Variants in FRAS1 observed in about 807,000 individuals in gnomAD.
The protein encoded by FRAS1 is extracellular matrix organizing protein FRAS1.
Under a neutral mutation model 435.2 loss-of-function variants are expected in FRAS1, and 290 were observed. The ratio of observed to expected loss-of-function variants is 0.67; its 90% CI spans 0.61 to 0.73. The LOEUF (loss-of-function observed/expected upper bound fraction) is 0.73. Ranked by LOEUF, FRAS1 falls within the 30% of genes least tolerant of loss-of-function variation. The probability of loss-of-function intolerance (pLI) is 0.00; values close to 1 mark genes in which losing one functional copy is unlikely to be tolerated. For missense variants in FRAS1, 4,860 were observed against 5,001.5 expected, an observed-to-expected ratio of 0.97 and a Z score of 0.85; for synonymous variants, 1,800 against 1,851.0, an observed-to-expected ratio of 0.97 and a Z score of 0.71.
chr4:78,307,503 C>G (rs60608669), intron 14 of FRAS1, among the ~76,000 whole-genome samples: 5,575 of 152,262 alleles, frequency 0.037, 277 homozygotes, highest in African/African-American at 0.11. Context: ...TAGCAATCAG[C>G]GAGACTCCGT....
chr4:78,262,384 A>T (rs1480116836), intron 6 of FRAS1, among the ~76,000 whole-genome samples: 2 of 152,300 alleles, frequency 1.3e-5, no homozygotes, highest in East Asian at 3.9e-4. Context: ...AGGGAGGTGA[A>T]AGGCTAGGGC....
intron 2 of FRAS1, among the ~76,000 whole-genome samples, chr4:78,194,344 C>T (rs1722699128): frequency 6.6e-6 from 1 of 152,196 alleles, no homozygotes; most frequent in African/African-American, 2.4e-5. Context: ...GGAAGTTCTC[C>T]TGGCTAATAT....
intron 14 of FRAS1, among the ~76,000 whole-genome samples, chr4:78,297,425 G>T (rs1217689902): frequency 1.3e-5 from 2 of 152,090 alleles, no homozygotes; most frequent in African/African-American, 4.8e-5. Flanking sequence ...CCTGGAAAAG[G>T]GCTGCATTTT....
intron 2 of FRAS1, among the ~76,000 whole-genome samples, chr4:78,174,593 C>T (rs1721687114): frequency 6.6e-6 from 1 of 152,230 alleles, no homozygotes; most frequent in East Asian, 1.9e-4. Context: ...CTCAAAAATG[C>T]TGAGCATACC....
At chr4:78,233,448 T>C (rs1333705220) in intron 2 of FRAS1, among the ~76,000 whole-genome samples, 1 of 152,250 alleles carries the variant, frequency 6.6e-6, no homozygotes, top group Non-Finnish European at 1.5e-5. Flanking sequence ...GTTTTACTTG[T>C]GTAGACTGGA....
intron 2 of FRAS1, among the ~76,000 whole-genome samples, chr4:78,153,434 A>G (rs186457881): frequency 9.1e-4 from 138 of 152,338 alleles, no homozygotes; most frequent in Admixed American, 2.1e-3. Context: ...AAACCAGATT[A>G]TACCTCCTTC....
intron 2 of FRAS1, among the ~76,000 whole-genome samples, chr4:78,194,888 C>G (rs541219733): frequency 8.5e-5 from 13 of 152,150 alleles, no homozygotes; most frequent in African/African-American, 2.4e-4. Flanking sequence ...CTGTTTTTTC[C>G]CCATCTTTGT....
Position 78,317,393 on chromosome 4 carries a change from C to T in FRAS1, c.1845C>T (p.Cys615=). The part of the protein sequence containing the change: ...CKVCHNSCAS[C]SGPTPSHCTA... ...TTTGTCATAACTCATGTGCCAGCTG[C>T]TCTGGGCCCACACCCTCTCACTGTA... The change falls in exon 17 of 74, where the codon TGC becomes TGT. Residue 615 remains cysteine, a synonymous_variant. Transcript: ENST00000512123. 6.2e-7 allele frequency: 1 copy of T among 1,613,884 alleles called. No individual in the cohort carries two copies. The highest frequency in any genetic ancestry group is 8.5e-7 in the Non-Finnish European group (1 of 1,179,824).
chr4:78,105,556 C>G (rs192856603), intron 2 of FRAS1, among the ~76,000 whole-genome samples: 11 of 152,118 alleles, frequency 7.2e-5, no homozygotes, highest in Non-Finnish European at 1.3e-4. Flanking sequence ...AAGACCGATA[C>G]GAATTCTCTT....
At chr4:78,339,980 G>A (rs1730337359) in intron 20 of FRAS1, among the ~76,000 whole-genome samples, 1 of 152,138 alleles carries the variant, frequency 6.6e-6, no homozygotes, top group Non-Finnish European at 1.5e-5. Context: ...ATGTAACTCT[G>A]AATGTGGGCC....
At chr4:78,273,084 G>A (rs973331314) in intron 9 of FRAS1, among the ~76,000 whole-genome samples, 3 of 152,168 alleles carry the variant, frequency 2.0e-5, no homozygotes, top group Admixed American at 2.0e-4. Flanking sequence ...AATTGTGAAT[G>A]GGAGTTCATG....
Position 78,438,678 on chromosome 4 carries a change from T to C in FRAS1, c.5326T>C (p.Ser1776Pro). The C allele has an allele frequency of 6.2e-7, 1 of 1,611,386 alleles. No individual in the cohort carries two copies. The highest frequency in any genetic ancestry group is 8.5e-7 in the Non-Finnish European group (1 of 1,178,472). Residue 1776 changes from serine to proline, a missense_variant, in exon 39 of 74, where the codon TCC becomes CCC. Transcript: ENST00000512123. ...GSEVEELSEV[S>P]NFTMEDINNK... Reference sequence around the variant, plus strand: ...TGAGGTGGAAGAGCTCTCAGAAGTTTCCAATTTCACAATGGAAGACATCAA... The same window carrying C: ...TGAGGTGGAAGAGCTCTCAGAAGTTCCCAATTTCACAATGGAAGACATCAA...
chr4:78,151,349 C>T (rs918755889), intron 2 of FRAS1, among the ~76,000 whole-genome samples: 2 of 150,942 alleles, frequency 1.3e-5, no homozygotes, highest in African/African-American at 5.0e-5. Flanking sequence ...AAGCATCTAC[C>T]ATGTGCCAGT....
intron 33 of FRAS1, among the ~76,000 whole-genome samples, chr4:78,419,370 A>G (rs1733677256): frequency 6.6e-6 from 1 of 152,240 alleles, no homozygotes; most frequent in Non-Finnish European, 1.5e-5. Flanking sequence ...AACTGGACAC[A>G]TAGCCATTGT....
intron 28 of FRAS1, among the ~76,000 whole-genome samples, chr4:78,385,825 C>A (rs959951044): frequency 6.7e-6 from 1 of 150,048 alleles, no homozygotes; most frequent in African/African-American, 2.5e-5. Context: ...GCAGAGGTTG[C>A]AGTGAGCTGA....
At chr4:78,061,436 T>C (rs887276368) in intron 1 of FRAS1, among the ~76,000 whole-genome samples, 2 of 152,176 alleles carry the variant, frequency 1.3e-5, no homozygotes, top group Non-Finnish European at 2.9e-5. Context: ...TAGGGAAACA[T>C]CATTGAATTG....
chr4:78,235,737 C>T (rs1416475932), intron 2 of FRAS1, among the ~76,000 whole-genome samples: 1 of 152,188 alleles, frequency 6.6e-6, no homozygotes, highest in African/African-American at 2.4e-5. Flanking sequence ...TTGCTTAAGC[C>T]TAGGAGTTGG....
At chr4:78,302,675 G>A (rs1328315601) in intron 14 of FRAS1, among the ~76,000 whole-genome samples, 2 of 151,876 alleles carry the variant, frequency 1.3e-5, no homozygotes, top group Non-Finnish European at 2.9e-5. Flanking sequence ...GTCTGTTCAT[G>A]TCCTTCACCC....
At chr4:78,465,296 A>G (rs781727317) in intron 49 of FRAS1, among the ~76,000 whole-genome samples, 9 of 152,230 alleles carry the variant, frequency 5.9e-5, no homozygotes, top group Non-Finnish European at 1.3e-4. Context: ...GCAGGCTTAG[A>G]GAGTCTACTA....
Sources: allele counts gnomAD v4.1 joint callset (sites outside exome capture counted in the v4.1 genomes callset), GRCh38; gene constraint gnomAD v4.1.1; transcripts MANE v1.5; gene names NCBI Gene and HGNC (gene_info 2026-07-23, HGNC 2026-07-21).